RGS7: variants seen among roughly 807,000 people sequenced by gnomAD.
The protein encoded by RGS7 is regulator of G protein signaling 7.
In RGS7, 27 loss-of-function variants were observed where a neutral mutation model predicts 81.1. That is an observed-to-expected ratio of 0.33 (90% confidence interval 0.25 to 0.46). The LOEUF is 0.46. RGS7 is among the 20% of genes least tolerant of loss of function. The pLI is 1.00. For synonymous variants in RGS7, 208 were observed against 207.7 expected (o/e 1.00, Z -0.01); for missense variants, 396 against 607.4 (o/e 0.65, Z 3.66).
intron 3 of RGS7, among the ~76,000 whole-genome samples, chr1:241,025,635 C>T (rs1301426905): frequency 6.6e-6 from 1 of 151,682 alleles, no homozygotes; most frequent in Non-Finnish European, 1.5e-5. Context: ...TGTCTTTTTG[C>T]TTTATCTATG....
At chr1:241,315,783 A>G (rs1170879843) in intron 2 of RGS7, among the ~76,000 whole-genome samples, 1 of 152,202 alleles carries the variant, frequency 6.6e-6, no homozygotes, top group Non-Finnish European at 1.5e-5. Flanking sequence ...TTCTGATCTT[A>G]GAGAAAAAGC....
chr1:241,326,936 G>C (rs750204150), intron 2 of RGS7, among the ~76,000 whole-genome samples: 38 of 142,844 alleles, frequency 2.7e-4, no homozygotes, highest in Non-Finnish European at 3.5e-4. Context: ...TTAAGAAAGA[G>C]AGAGAGAAAT....
chr1:241,061,864 C>T (rs6664870), intron 3 of RGS7, among the ~76,000 whole-genome samples: 1 of 152,064 alleles, frequency 6.6e-6, no homozygotes, highest in South Asian at 2.1e-4. Context: ...CCCCATTGAA[C>T]CTTGACTCTG....
intron 4 of RGS7, among the ~76,000 whole-genome samples, chr1:240,972,102 C>A (rs575219607): frequency 6.6e-6 from 1 of 152,194 alleles, no homozygotes; most frequent in East Asian, 1.9e-4. Flanking sequence ...ACATCAAATC[C>A]AAGGAAATAC....
At chr1:240,828,150 C>CCCCTTTAAAACAGAGGGGTTGATGA (rs1341334747) in intron 9 of RGS7, among the ~76,000 whole-genome samples, 1 of 152,154 alleles carries the variant, frequency 6.6e-6, no homozygotes, top group Non-Finnish European at 1.5e-5. Flanking sequence ...GGCAGGTGAA[C>CCCCTTTAAAACAGAGGGGTTGATGA]CCCTTTAAAA....
At chr1:240,935,855 G>A (rs1572855519) in intron 5 of RGS7, among the ~76,000 whole-genome samples, 1 of 152,298 alleles carries the variant, frequency 6.6e-6, no homozygotes, top group South Asian at 2.1e-4. Flanking sequence ...CTTGGAAATG[G>A]ATTAGAGTTT....
At chr1:240,907,606 T>C (rs928529437) in intron 6 of RGS7, among the ~76,000 whole-genome samples, 1 of 152,180 alleles carries the variant, frequency 6.6e-6, no homozygotes, top group Admixed American at 6.5e-5. Flanking sequence ...CAAAAAGCTG[T>C]TCCCCAACAA....
chr1:240,841,240 GCC>G (rs1657923389), intron 9 of RGS7, among the ~76,000 whole-genome samples: 1 of 152,188 alleles, frequency 6.6e-6, no homozygotes, highest in Non-Finnish European at 1.5e-5. Flanking sequence ...AACTTACAAA[GCC>G]TCAGTTTTAG....
At chr1:240,834,567 G>A (rs927843253) in intron 9 of RGS7, among the ~76,000 whole-genome samples, 1 of 152,128 alleles carries the variant, frequency 6.6e-6, no homozygotes, top group African/African-American at 2.4e-5. Flanking sequence ...CTGGAGTGCA[G>A]GGGCGTGACC....
intron 9 of RGS7, among the ~76,000 whole-genome samples, chr1:240,834,631 C>G (rs1481156359): frequency 6.6e-6 from 1 of 152,168 alleles, no homozygotes; most frequent in Non-Finnish European, 1.5e-5. Context: ...CTGCCTCAGC[C>G]TCCCGAGTAG....
At position 240,881,502 on chromosome 1, in the gene RGS7, T is replaced by TA. The variant is rs549493519; in HGVS notation, c.386-11384dup. Among the ~76,000 whole-genome samples the TA allele has an allele frequency of 1.8e-4, 28 of 151,900 alleles. No individual in the cohort carries two copies. The South Asian group carries it at 2.3e-3, about 12-fold the overall frequency. ...TACCCTAGAACTTAAAGTATAATAA[T>TA]AAAAAAAAGCAGGGTTTTCAAAATA... On this transcript the variant is annotated intron_variant, in intron 6 of 18. Coordinates refer to ENST00000440928, the MANE Select transcript of RGS7 (RefSeq NM_001364886.1).
rs2077912807 is a variant in RGS7 at position 241,271,854 on chromosome 1, T to G, written c.78+83845A>C. ...AGATAGCAGATTATGGGACTTAACC[T>G]CCACAATCACACAAGCCAAATCTTT... is the stretch of plus-strand genomic sequence containing the variant. On this transcript the variant is annotated intron_variant, in intron 2 of 18. Coordinates refer to ENST00000440928, the MANE Select transcript of RGS7 (RefSeq NM_001364886.1). This position sits in a 1 kb window ranked among gnomAD's most constrained non-coding sequence, Gnocchi z 4.6. 6.7e-6 allele frequency among the ~76,000 whole-genome samples: 1 copy of G among 150,320 alleles called. No individual in the cohort carries two copies.
At chr1:241,315,107 C>CTTTTTT (rs5782184) in intron 2 of RGS7, among the ~76,000 whole-genome samples, 3,808 of 57,574 alleles carry the variant, frequency 0.066, 468 homozygotes, top group East Asian at 0.11. Flanking sequence ...TCTTCTTCTT[C>CTTTTTT]TTTTTTTTTT....
At chr1:240,933,218 T>C (rs528225808) in intron 5 of RGS7, among the ~76,000 whole-genome samples, 28 of 151,874 alleles carry the variant, frequency 1.8e-4, no homozygotes, top group African/African-American at 6.8e-4. Context: ...CGGAGTGCAT[T>C]GTTCCCTCTG....
At chr1:241,295,250 C>T (rs1319186223) in intron 2 of RGS7, among the ~76,000 whole-genome samples, 1 of 151,742 alleles carries the variant, frequency 6.6e-6, no homozygotes, top group Non-Finnish European at 1.5e-5. Flanking sequence ...AGTTCAAGAC[C>T]AGCCTGACGA....
chr1:241,336,559 C>G (rs2082257799), intron 2 of RGS7, among the ~76,000 whole-genome samples: 1 of 152,210 alleles, frequency 6.6e-6, no homozygotes, highest in South Asian at 2.1e-4. Flanking sequence ...GTGTCTGCAG[C>G]TGTAACTCAT....
intron 3 of RGS7, among the ~76,000 whole-genome samples, chr1:241,049,438 A>C (rs145971714): frequency 4.6e-5 from 7 of 152,236 alleles, no homozygotes; most frequent in Non-Finnish European, 1.0e-4. Flanking sequence ...TTAAAGATGA[A>C]AAGAACTATG....
intron 3 of RGS7, among the ~76,000 whole-genome samples, chr1:241,041,205 T>C (rs2060597255): frequency 6.6e-6 from 1 of 152,220 alleles, no homozygotes; most frequent in Non-Finnish European, 1.5e-5. Context: ...TTATTTTTAT[T>C]GCTTCAATTT....
intron 3 of RGS7, among the ~76,000 whole-genome samples, chr1:241,076,156 T>G (rs1224781410): frequency 2.0e-5 from 3 of 152,130 alleles, no homozygotes; most frequent in Non-Finnish European, 4.4e-5. Flanking sequence ...CCTGGCATGA[T>G]GTATGCAACG....
Sources: gnomAD v4.1 joint callset for allele counts (sites outside exome capture counted in the v4.1 genomes callset) on GRCh38, gnomAD v4.1.1 for gene constraint, Gnocchi (gnomAD v3.1) non-coding constraint, MANE v1.5 for transcripts, NCBI Gene and HGNC (gene_info 2026-07-23, HGNC 2026-07-21) for gene names.